Variants in CCDC60 observed in about 807,000 individuals in gnomAD.
CCDC60 encodes coiled-coil domain containing 60, also known as coiled-coil domain-containing protein 60.
In CCDC60, 54 loss-of-function variants were observed where a neutral mutation model predicts 63.5. That is an observed-to-expected ratio of 0.85 (90% CI 0.68 to 1.07). The LOEUF (loss-of-function observed/expected upper bound fraction) is 1.07, where lower values mean the gene tolerates loss of function less well. CCDC60 is among the 50% of genes least tolerant of loss of function. CCDC60 has a pLI of 0.00. For synonymous variants in CCDC60, 206 were observed against 238.8 expected (o/e 0.86, Z 1.27); for missense variants, 651 against 684.3 (o/e 0.95, Z 0.54).
chr12:119,422,951 T>C (rs1956839673), intron 1 of CCDC60, among the ~76,000 whole-genome samples: 1 of 152,198 alleles, frequency 6.6e-6, no homozygotes, highest in Admixed American at 6.5e-5. Flanking sequence ...TAACACAATG[T>C]TCATTAATGT....
chr12:119,357,137 T>C (rs1955726181), intron 1 of CCDC60, among the ~76,000 whole-genome samples: 1 of 152,228 alleles, frequency 6.6e-6, no homozygotes, highest in Admixed American at 6.5e-5. Context: ...TTTGTAAATA[T>C]GTTGATGGGT....
chr12:119,487,586 C>G (rs754932086), intron 4 of CCDC60, among the ~76,000 whole-genome samples: 1 of 151,914 alleles, frequency 6.6e-6, no homozygotes, highest in Non-Finnish European at 1.5e-5. Context: ...AGTGAGCCAC[C>G]GTGCCTGGCC....
chr12:119,389,789 CA>C, intron 1 of CCDC60, among the ~76,000 whole-genome samples: 1 of 149,968 alleles, frequency 6.7e-6, no homozygotes, highest in African/African-American at 2.5e-5. Flanking sequence ...CACAGGCATG[CA>C]CACACACACA....
Position 119,380,853 on chromosome 12 carries a change from A to T in CCDC60, c.90+45587A>T, listed in dbSNP as rs369229759. ...TTTTGTTTTTATTGTATTTACTTTTATAGTTACTTTCTATTTGTGACATGC... is the reference window on the plus strand; with the variant it reads ...TTTTGTTTTTATTGTATTTACTTTTTTAGTTACTTTCTATTTGTGACATGC... On this transcript the variant is annotated intron_variant, in intron 1 of 13. Coordinates refer to ENST00000327554, the MANE Select transcript of CCDC60 (RefSeq NM_178499.5). Among the ~76,000 whole-genome samples, 8 of 152,190 alleles carry T rather than the reference A, an allele frequency of 5.3e-5. No homozygotes were observed. In the South Asian group the frequency reaches 1.7e-3, roughly 32 times the overall value.
chr12:119,442,659 A>G (rs973680575), intron 2 of CCDC60, among the ~76,000 whole-genome samples: 10 of 152,230 alleles, frequency 6.6e-5, no homozygotes, highest in African/African-American at 2.2e-4. Flanking sequence ...TATCTGAAAA[A>G]AGTCTTTACT....
At chr12:119,450,789 C>T (rs1950616794) in intron 2 of CCDC60, among the ~76,000 whole-genome samples, 2 of 150,138 alleles carry the variant, frequency 1.3e-5, no homozygotes, top group South Asian at 4.2e-4. Context: ...ACCCAGGAGG[C>T]GGAGGTTGCG....
intron 1 of CCDC60, among the ~76,000 whole-genome samples, chr12:119,403,426 C>T (rs117610379): frequency 1.3e-5 from 2 of 152,256 alleles, no homozygotes; most frequent in Non-Finnish European, 2.9e-5. Flanking sequence ...ATTTCCTGGG[C>T]TTGGAGTCTA....
intron 2 of CCDC60, among the ~76,000 whole-genome samples, chr12:119,466,105 C>T (rs1950949489): frequency 6.6e-6 from 1 of 152,222 alleles, no homozygotes; most frequent in Admixed American, 6.5e-5. Context: ...GCATGGTTTA[C>T]TCCCTTACCT....
intron 9 of CCDC60, among the ~76,000 whole-genome samples, chr12:119,521,674 C>T (rs933256565): frequency 1.4e-4 from 21 of 152,062 alleles, no homozygotes; most frequent in South Asian, 2.1e-4. Flanking sequence ...GACAGGCAGA[C>T]GGGTTTTTTG....
chr12:119,461,899 C>T (rs1377908043), intron 2 of CCDC60, among the ~76,000 whole-genome samples: 1 of 152,154 alleles, frequency 6.6e-6, no homozygotes, highest in Non-Finnish European at 1.5e-5. Flanking sequence ...AAATATTAAG[C>T]GTTTTTAAAT....
intron 1 of CCDC60, among the ~76,000 whole-genome samples, chr12:119,388,919 A>G (rs893547738): frequency 3.3e-5 from 5 of 152,222 alleles, no homozygotes; most frequent in Admixed American, 6.5e-5. Flanking sequence ...TTAGAGTATC[A>G]CCATGTACAA....
chr12:119,407,779 G>T (rs1226834685), intron 1 of CCDC60, among the ~76,000 whole-genome samples: 1 of 152,042 alleles, frequency 6.6e-6, no homozygotes, highest in East Asian at 1.9e-4. Flanking sequence ...ACTCCAGAAG[G>T]TGTATTTCTT....
In CCDC60 at chr12:119,439,130, A is replaced by T. The variant is rs189223898; in HGVS notation, c.170+10368A>T. 3.5e-3 allele frequency among the ~76,000 whole-genome samples: 461 copies of T among 131,148 alleles called. 6 individuals carry two copies. The highest frequency in any genetic ancestry group is 0.013 in the African/African-American group (432 of 33,406). The allele number at this position is 131,148 out of a possible 152,430, so 86.0% of individuals were successfully genotyped here. On this transcript the variant is annotated intron_variant, in intron 2 of 13. Transcript: ENST00000327554. ...TCTTACTCTGTAGAGTACAAACAGT[A>T]TATACATCCCTTTTCTGGGCAAAAA... is the stretch of plus-strand genomic sequence containing the variant.
chr12:119,370,337 T>C (rs1234672137), intron 1 of CCDC60, among the ~76,000 whole-genome samples: 3 of 152,262 alleles, frequency 2.0e-5, no homozygotes, highest in Admixed American at 6.5e-5. Flanking sequence ...CATCCGGGAC[T>C]ATGGCTTAAG....
chr12:119,458,443 T>C (rs1187236883), intron 2 of CCDC60, among the ~76,000 whole-genome samples: 2 of 152,244 alleles, frequency 1.3e-5, no homozygotes, highest in Non-Finnish European at 2.9e-5. Context: ...TTTTATTTTT[T>C]TTTAAGTACA....
At chr12:119,360,544 C>T (rs1162210294) in intron 1 of CCDC60, among the ~76,000 whole-genome samples, 7 of 150,622 alleles carry the variant, frequency 4.6e-5, no homozygotes, top group African/African-American at 7.3e-5. Flanking sequence ...ACGGGGCGGC[C>T]GGGCGGAGAC....
At chr12:119,353,087 TTA>T (rs1955673571) in intron 1 of CCDC60, among the ~76,000 whole-genome samples, 1 of 151,648 alleles carries the variant, frequency 6.6e-6, no homozygotes, top group African/African-American at 2.4e-5. Context: ...GGTGAGGGGG[TTA>T]TGACACTGTT....
chr12:119,354,703 A>G (rs1395335956), intron 1 of CCDC60, among the ~76,000 whole-genome samples: 3 of 152,202 alleles, frequency 2.0e-5, no homozygotes, highest in Non-Finnish European at 4.4e-5. Context: ...GTAGACCACA[A>G]AATGTTTTTA....
At chr12:119,349,511 GTATTTT>G (rs1955633064) in intron 1 of CCDC60, among the ~76,000 whole-genome samples, 1 of 151,626 alleles carries the variant, frequency 6.6e-6, no homozygotes, top group Non-Finnish European at 1.5e-5. Context: ...TAATTTTTTT[GTATTTT>G]TAGTAGGGAC....
Sources: gnomAD v4.1 joint callset for allele counts (sites outside exome capture counted in the v4.1 genomes callset) on GRCh38, gnomAD v4.1.1 for gene constraint, MANE v1.5 for transcripts, NCBI Gene and HGNC (gene_info 2026-07-23, HGNC 2026-07-21) for gene names.